Variants in ARB2A observed in about 807,000 individuals in gnomAD.
The protein encoded by ARB2A is ARB2 cotranscriptional regulator A, also known as cotranscriptional regulator ARB2A.
chr5:93,696,084 A>G, the ARB2A span, among the ~76,000 whole-genome samples: 7 of 152,254 alleles, frequency 4.6e-5, no homozygotes, highest in South Asian at 1.5e-3. Context: ...TACTTAATGT[A>G]GATGACGGGT....
At chr5:94,091,827 G>T in the ARB2A span, among the ~76,000 whole-genome samples, 1 of 152,078 alleles carries the variant, frequency 6.6e-6, no homozygotes, top group Admixed American at 6.6e-5. Context: ...GAGTATAATT[G>T]ACTGATATTC....
At chr5:93,998,795 G>A in the ARB2A span, among the ~76,000 whole-genome samples, 133 of 152,012 alleles carry the variant, frequency 8.7e-4, no homozygotes, top group Non-Finnish European at 1.6e-3. Flanking sequence ...AGACCTGTAG[G>A]AAATTCACAA....
At chr5:93,621,404 C>T in the ARB2A span, among the ~76,000 whole-genome samples, 3 of 152,214 alleles carry the variant, frequency 2.0e-5, no homozygotes, top group Non-Finnish European at 4.4e-5. Flanking sequence ...CTATCCGCGG[C>T]GTCTAGGCGT....
chr5:93,628,730 C>T, the ARB2A span, among the ~76,000 whole-genome samples: 2 of 152,170 alleles, frequency 1.3e-5, no homozygotes, highest in Admixed American at 1.3e-4. Flanking sequence ...TCCAACTTTT[C>T]TTCTGCAGCT....
chr5:93,665,628 A>AT, the ARB2A span, among the ~76,000 whole-genome samples: 2 of 152,244 alleles, frequency 1.3e-5, no homozygotes, highest in Non-Finnish European at 2.9e-5. Flanking sequence ...AACAGGGGTC[A>AT]GGCACATGGC....
At chr5:94,088,454 G>GA in the ARB2A span, among the ~76,000 whole-genome samples, 1 of 152,168 alleles carries the variant, frequency 6.6e-6, no homozygotes, top group Admixed American at 6.5e-5. Flanking sequence ...GCCAAGGCGG[G>GA]AGGATTGCTT....
At chr5:94,044,621 C>G in the ARB2A span, among the ~76,000 whole-genome samples, 1 of 152,036 alleles carries the variant, frequency 6.6e-6, no homozygotes, top group South Asian at 2.1e-4. Flanking sequence ...TGAAAAGGAG[C>G]TGGGTAAAAT....
chr5:93,993,863 A>C, the ARB2A span, among the ~76,000 whole-genome samples: 3 of 151,408 alleles, frequency 2.0e-5, no homozygotes, highest in Admixed American at 2.0e-4. Flanking sequence ...AAAAGATTCA[A>C]AAATAGAAAA....
the ARB2A span, among the ~76,000 whole-genome samples, chr5:93,728,994 A>G: frequency 6.6e-6 from 1 of 152,110 alleles, no homozygotes; most frequent in Admixed American, 6.6e-5. Flanking sequence ...CTGTATTTTT[A>G]CCACTACATT....
At chr5:93,790,411 C>G in the ARB2A span, among the ~76,000 whole-genome samples, 1 of 152,168 alleles carries the variant, frequency 6.6e-6, no homozygotes, top group Admixed American at 6.5e-5. Flanking sequence ...TTAAAAAAGG[C>G]ACAGGCCTGC....
the ARB2A span, among the ~76,000 whole-genome samples, chr5:94,030,319 A>C: frequency 6.6e-6 from 1 of 152,240 alleles, no homozygotes; most frequent in African/African-American, 2.4e-5. Flanking sequence ...AGCTGGGCTC[A>C]AATCAGGAAG....
the ARB2A span, among the ~76,000 whole-genome samples, chr5:94,099,624 CAAAAAAAAAA>C: frequency 2.2e-4 from 3 of 13,654 alleles, no homozygotes; most frequent in Non-Finnish European, 5.5e-4. Context: ...GACTCCGTCT[CAAAAAAAAAA>C]AAAAAAAAAA....
chr5:93,868,873 A>T, the ARB2A span, among the ~76,000 whole-genome samples: 9 of 152,050 alleles, frequency 5.9e-5, no homozygotes, highest in African/African-American at 2.2e-4. Context: ...AACCAAGGAA[A>T]CTCTATTTCT....
the ARB2A span, among the ~76,000 whole-genome samples, chr5:93,898,252 C>T: frequency 2.0e-5 from 3 of 151,910 alleles, no homozygotes; most frequent in Non-Finnish European, 4.4e-5. Context: ...GCATGATCTT[C>T]CTGGATTTTC....
chr5:93,705,652 T>TGTGTGTAC, the ARB2A span, among the ~76,000 whole-genome samples: 1 of 112,878 alleles, frequency 8.9e-6, no homozygotes, highest in African/African-American at 4.7e-5. Context: ...TGTGTGTGTG[T>TGTGTGTAC]ATATATATAT....
chr5:94,006,630 G>C, the ARB2A span, among the ~76,000 whole-genome samples: 1 of 152,116 alleles, frequency 6.6e-6, no homozygotes, highest in African/African-American at 2.4e-5. Flanking sequence ...AATGCAGTCA[G>C]ATTTTAAACT....
At chr5:93,909,321 T>C in the ARB2A span, among the ~76,000 whole-genome samples, 2 of 151,054 alleles carry the variant, frequency 1.3e-5, no homozygotes, top group African/African-American at 4.8e-5. Context: ...TCTTAAGTAA[T>C]AGCACCGCTG....
the ARB2A span, among the ~76,000 whole-genome samples, chr5:93,790,145 A>C: frequency 4.6e-5 from 7 of 152,188 alleles, no homozygotes; most frequent in Non-Finnish European, 8.8e-5. Flanking sequence ...ATTTTTCTGT[A>C]CTTCAGCTTT....
the ARB2A span, among the ~76,000 whole-genome samples, chr5:94,106,072 G>A: frequency 1.4e-4 from 21 of 151,964 alleles, 1 homozygote; most frequent in East Asian, 3.9e-3. Context: ...TCTAGGCCCT[G>A]GCAAAGATTT....
Sources: gnomAD v4.1 joint callset for allele counts (sites outside exome capture counted in the v4.1 genomes callset) on GRCh38, gnomAD v4.1.1 for gene constraint, MANE v1.5 for transcripts, NCBI Gene and HGNC (gene_info 2026-07-23, HGNC 2026-07-21) for gene names.